TEAD1: variants seen among roughly 807,000 people sequenced by gnomAD.
TEAD1 encodes the protein TEA domain transcription factor 1, also known as transcriptional enhancer factor TEF-1.
A neutral mutation model predicts 54.9 loss-of-function variants in TEAD1; 9 were observed. That is an observed-to-expected ratio of 0.16 (90% CI 0.10 to 0.29). The LOEUF is 0.29. TEAD1 is among the 10% of genes least tolerant of loss of function. TEAD1 has a pLI of 1.00. For synonymous variants in TEAD1, 200 were observed against 187.8 expected (o/e 1.07, Z -0.53); for missense variants, 387 against 535.9 (o/e 0.72, Z 2.74).
At chr11:12,744,111 G>T (rs1944700297) in intron 2 of TEAD1, among the ~76,000 whole-genome samples, 1 of 152,198 alleles carries the variant, frequency 6.6e-6, no homozygotes, top group South Asian at 2.1e-4. Flanking sequence ...CGCTAGGCCA[G>T]ATTATCCCCA....
intron 12 of TEAD1, among the ~76,000 whole-genome samples, chr11:12,932,710 T>A (rs1025249667): frequency 1.3e-5 from 2 of 152,154 alleles, no homozygotes; most frequent in Non-Finnish European, 2.9e-5. Context: ...ATAATTATTT[T>A]TAAAAATAAA....
chr11:12,851,944 C>T (rs1947283534), intron 3 of TEAD1, among the ~76,000 whole-genome samples: 1 of 152,188 alleles, frequency 6.6e-6, no homozygotes, highest in Non-Finnish European at 1.5e-5. Flanking sequence ...AATGGCAGTG[C>T]AGCAGTAGCA....
At chr11:12,910,375 T>C (rs1948595531) in intron 10 of TEAD1, among the ~76,000 whole-genome samples, 1 of 152,206 alleles carries the variant, frequency 6.6e-6, no homozygotes, top group Non-Finnish European at 1.5e-5. Flanking sequence ...GGTGTCAAGA[T>C]TGGAAACACT....
intron 3 of TEAD1, among the ~76,000 whole-genome samples, chr11:12,767,377 A>G (rs1040433419): frequency 2.0e-5 from 3 of 152,258 alleles, no homozygotes; most frequent in African/African-American, 7.2e-5. Context: ...AATTCCATGC[A>G]GTAAAATAAA....
At chr11:12,873,629 T>C (rs1947798489) in intron 5 of TEAD1, among the ~76,000 whole-genome samples, 1 of 152,232 alleles carries the variant, frequency 6.6e-6, no homozygotes, top group Non-Finnish European at 1.5e-5. Context: ...TCCTCTGCGT[T>C]AGCTGTTACC....
intron 2 of TEAD1, among the ~76,000 whole-genome samples, chr11:12,757,588 C>T (rs1289751526): frequency 6.6e-6 from 1 of 152,282 alleles, no homozygotes; most frequent in Admixed American, 6.5e-5. Flanking sequence ...CAGTCTGTCT[C>T]CTTGTGTCCT....
chr11:12,720,001 G>T (rs1944159368), intron 2 of TEAD1, among the ~76,000 whole-genome samples: 1 of 64,200 alleles, frequency 1.6e-5, no homozygotes, highest in Non-Finnish European at 3.1e-5. Context: ...TTTTGGGGGG[G>T]GACCCAGCCA....
In TEAD1 at chr11:12,906,754, A is replaced by G. The variant is rs569304256; in HGVS notation, c.873+4641A>G. Among the ~76,000 whole-genome samples the G allele has an allele frequency of 7.5e-4, 114 of 152,276 alleles. 1 individual carries two copies. Among genetic ancestry groups the G allele is most frequent in the African/African-American group, 2.6e-3 (109 of 41,546 alleles). ...CTGTCTGGATCAATTTGCCTGTTCT[A>G]GACATTTCATATGAATGAAATCATT... On this transcript the variant is annotated intron_variant, in intron 10 of 12. Transcript: ENST00000527636.
chr11:12,911,271 G>T (rs1159028266), intron 10 of TEAD1, among the ~76,000 whole-genome samples: 1 of 152,206 alleles, frequency 6.6e-6, no homozygotes, highest in Non-Finnish European at 1.5e-5. Flanking sequence ...TTAAAGAGAA[G>T]AAACTGGGCG....
chr11:12,933,862 C>T lies in TEAD1; in HGVS notation c.1168-3247C>T, dbSNP rs574322028. Among the ~76,000 whole-genome samples, 15 of 152,172 alleles carry T rather than the reference C, an allele frequency of 9.9e-5. No homozygotes were observed. In the East Asian group the frequency reaches 2.1e-3, roughly 22 times the overall value. ...TACCATCTCACACCAGTTAGAATGG[C>T]GATCATTAAAAAGTCAGGAAACAAC... On this transcript the variant is annotated intron_variant, in intron 12 of 12. Coordinates refer to ENST00000527636, the MANE Select transcript of TEAD1 (RefSeq NM_021961.6).
intron 3 of TEAD1, among the ~76,000 whole-genome samples, chr11:12,825,615 C>T (rs573040518): frequency 5.9e-5 from 9 of 152,168 alleles, no homozygotes; most frequent in African/African-American, 2.2e-4. Context: ...AATCCTTATA[C>T]AATTTTAGTA....
chr11:12,847,724 G>T (rs576432837), intron 3 of TEAD1, among the ~76,000 whole-genome samples: 1 of 152,122 alleles, frequency 6.6e-6, no homozygotes, highest in Admixed American at 6.6e-5. Context: ...GTCTTGCTCT[G>T]TTGGCCAGGT....
In TEAD1 at chr11:12,937,207, G is replaced by C. The variant is rs766232022; in HGVS notation, c.1266G>C (p.Arg422Ser). 2.5e-6 allele frequency: 4 copies of C among 1,612,898 alleles called. No individual in the cohort carries two copies. Among genetic ancestry groups the C allele is most frequent in the Non-Finnish European group, 3.4e-6 (4 of 1,179,058 alleles). Residue 422 changes from arginine to serine, a missense_variant, in exon 13 of 13, where the codon AGG becomes AGC. Physicochemically the swap from Arg to Ser is moderately radical, Grantham distance 110. Around this residue, in one of 5 missense-constraint regions of TEAD1, gnomAD observed 123 missense variants for 199.0 expected, o/e 0.62. Coordinates refer to ENST00000527636, the MANE Select transcript of TEAD1 (RefSeq NM_021961.6). ...ACGGAGCACAACATCATATTTACAG[G>C]CTTGTAAAGGACTGAACATGGTTAT...
At chr11:12,740,037 G>GGA (rs1268761169) in intron 2 of TEAD1, among the ~76,000 whole-genome samples, 1 of 152,210 alleles carries the variant, frequency 6.6e-6, no homozygotes, top group African/African-American at 2.4e-5. Context: ...TAGGTGGCGA[G>GGA]GAAAGGCATT....
chr11:12,885,027 T>C (rs1014013853), intron 9 of TEAD1, among the ~76,000 whole-genome samples: 1 of 152,178 alleles, frequency 6.6e-6, no homozygotes, highest in African/African-American at 2.4e-5. Context: ...TTTCATTCTG[T>C]CCTTACAGTG....
rs112869649 is a variant in TEAD1 at position 12,916,947 on chromosome 11, C to T, written c.874-7965C>T. Among the ~76,000 whole-genome samples, 569 of 152,116 alleles carry T rather than the reference C, an allele frequency of 3.7e-3. 2 individuals carry two copies. The highest frequency in any genetic ancestry group is 0.013 in the African/African-American group (549 of 41,494). ...GAAGTGTTCTTCGGTCTGTGGTACC[C>T]GAAGTTCTGGATGGAAGTTACAGAG... On this transcript the variant is annotated intron_variant, in intron 10 of 12. Transcript: ENST00000527636.
chr11:12,882,188 T>G (rs1362780842), intron 8 of TEAD1, among the ~76,000 whole-genome samples: 1 of 152,158 alleles, frequency 6.6e-6, no homozygotes. Context: ...ACAGGAAGCC[T>G]CCTCACTTTC....
chr11:12,809,990 T>TG (rs1383052425), intron 3 of TEAD1, among the ~76,000 whole-genome samples: 1 of 94,056 alleles, frequency 1.1e-5, no homozygotes, highest in Non-Finnish European at 2.6e-5. Context: ...TTTTTTTTTT[T>TG]TTTTTTTTGA....
At chr11:12,761,471 G>A (rs973668507) in intron 2 of TEAD1, among the ~76,000 whole-genome samples, 11 of 152,194 alleles carry the variant, frequency 7.2e-5, no homozygotes, top group Non-Finnish European at 1.5e-4. Context: ...GGCTAAAAAT[G>A]ATAGAATTCA....
Sources: gnomAD v4.1 joint callset for allele counts (sites outside exome capture counted in the v4.1 genomes callset) on GRCh38, gnomAD v4.1.1 for gene constraint, gnomAD v4.1.1 regional missense constraint, MANE v1.5 for transcripts, NCBI Gene and HGNC (gene_info 2026-07-23, HGNC 2026-07-21) for gene names.